KIAA1217: variants seen among roughly 807,000 people sequenced by gnomAD.
KIAA1217 encodes the protein sickle tail protein homolog.
A neutral mutation model predicts 163.9 loss-of-function variants in KIAA1217; 88 were observed. The ratio of observed to expected loss-of-function variants is 0.54; its 90% CI spans 0.45 to 0.64. The LOEUF is 0.64. Among genes scored for constraint, KIAA1217 ranks in the 30% least tolerant of loss-of-function variants. KIAA1217 has a pLI of 0.00. For missense variants in KIAA1217, 2,372 were observed against 2,475.0 expected (o/e 0.96, Z 0.88); for synonymous variants, 903 against 923.1 (o/e 0.98, Z 0.39).
At chr10:23,784,186 T>G (rs971952162) in intron 1 of KIAA1217, among the ~76,000 whole-genome samples, 1 of 152,150 alleles carries the variant, frequency 6.6e-6, no homozygotes, top group Non-Finnish European at 1.5e-5. Context: ...CATTTAATAG[T>G]GAACTTCTTT....
intron 2 of KIAA1217, among the ~76,000 whole-genome samples, chr10:24,089,564 A>G (rs1304084488): frequency 5.3e-5 from 8 of 151,282 alleles, no homozygotes; most frequent in Non-Finnish European, 7.4e-5. Flanking sequence ...TCCTTTCCCC[A>G]TTGCTTGTTT....
intron 1 of KIAA1217, among the ~76,000 whole-genome samples, chr10:23,705,685 T>G (rs866739171): frequency 5.9e-4 from 90 of 152,318 alleles, no homozygotes; most frequent in African/African-American, 1.8e-3. Flanking sequence ...GTTATTCAAC[T>G]TTGTTCTTAT....
chr10:24,179,787 C>T (rs1015325766), intron 2 of KIAA1217, among the ~76,000 whole-genome samples: 1 of 152,036 alleles, frequency 6.6e-6, no homozygotes, highest in South Asian at 2.1e-4. Context: ...GAGGTTTCAC[C>T]ATGTTGGCCA....
intron 1 of KIAA1217, among the ~76,000 whole-genome samples, chr10:23,905,779 A>G (rs978275324): frequency 6.6e-6 from 1 of 152,152 alleles, no homozygotes; most frequent in African/African-American, 2.4e-5. Context: ...CCATTGAAAA[A>G]CAAATGTTAA....
At chr10:23,898,123 CTGA>C (rs1841786134) in intron 1 of KIAA1217, among the ~76,000 whole-genome samples, 2 of 151,912 alleles carry the variant, frequency 1.3e-5, no homozygotes, top group Non-Finnish European at 2.9e-5. Flanking sequence ...TCATATTTTA[CTGA>C]ACAAGCTGCA....
chr10:23,779,918 C>G (rs778067683), intron 1 of KIAA1217, among the ~76,000 whole-genome samples: 14 of 152,168 alleles, frequency 9.2e-5, no homozygotes, highest in South Asian at 2.1e-4. Context: ...ATATTTAGTA[C>G]GGTAATAGGC....
At chr10:23,916,098 G>T (rs1427881043) in intron 1 of KIAA1217, among the ~76,000 whole-genome samples, 1 of 152,128 alleles carries the variant, frequency 6.6e-6, no homozygotes, top group Non-Finnish European at 1.5e-5. Flanking sequence ...GGTTGCATAT[G>T]CCACAGTCCA....
chr10:23,867,364 C>T (rs1315583377), intron 1 of KIAA1217, among the ~76,000 whole-genome samples: 1 of 151,690 alleles, frequency 6.6e-6, no homozygotes. Context: ...GGGTATATAC[C>T]CAGTAATGGG....
chr10:24,315,575 G>A (rs180982499), intron 2 of KIAA1217, among the ~76,000 whole-genome samples: 50 of 152,158 alleles, frequency 3.3e-4, no homozygotes, highest in African/African-American at 1.1e-3. Context: ...CTGAGCCTTA[G>A]GGTGCTTTCA....
intron 1 of KIAA1217, among the ~76,000 whole-genome samples, chr10:23,868,688 C>G (rs375243982): frequency 2.0e-5 from 3 of 152,110 alleles, no homozygotes; most frequent in African/African-American, 7.2e-5. Context: ...GGACACATGG[C>G]AGGGCCTGAG....
At chr10:23,856,367 T>A (rs778836511) in intron 1 of KIAA1217, among the ~76,000 whole-genome samples, 5 of 152,206 alleles carry the variant, frequency 3.3e-5, no homozygotes, top group Admixed American at 1.3e-4. Context: ...ATCGTTCCTC[T>A]GGAAGTTTTG....
At chr10:24,361,937 C>T (rs557021218) in intron 2 of KIAA1217, among the ~76,000 whole-genome samples, 1 of 131,812 alleles carries the variant, frequency 7.6e-6, no homozygotes, top group Non-Finnish European at 1.5e-5. Context: ...ACTGCAAGAT[C>T]GGGCCACTGC....
intron 2 of KIAA1217, among the ~76,000 whole-genome samples, chr10:24,223,832 GCACCCAC>G (rs2070039769): frequency 7.7e-6 from 1 of 130,450 alleles, no homozygotes; most frequent in Non-Finnish European, 1.6e-5. Context: ...TCCCACCCCA[GCACCCAC>G]CACCCACCCC....
At chr10:24,100,910 T>C (rs528962996) in intron 2 of KIAA1217, among the ~76,000 whole-genome samples, 2 of 152,310 alleles carry the variant, frequency 1.3e-5, no homozygotes, top group East Asian at 1.9e-4. Flanking sequence ...CTCCTATTAT[T>C]AAATGCCCTA....
chr10:23,831,399 G>A (rs1467345712), intron 1 of KIAA1217, among the ~76,000 whole-genome samples: 1 of 151,940 alleles, frequency 6.6e-6, no homozygotes, highest in Non-Finnish European at 1.5e-5. Context: ...CCAAAAAGGA[G>A]TTAGTATCCA....
In KIAA1217 at chr10:24,531,924, A is replaced by G. The variant is rs778431458; in HGVS notation, c.3177A>G (p.Gly1059=). ...PPPPRRSYLP[G]SGLTTTRSGD... is the part of the protein sequence containing the mutation. Reference sequence around the variant, plus strand: ...CTCCTCGTCGAAGCTACCTGCCAGGATCGGGACTCACCACCACGAGGTCAG... The same window carrying G: ...CTCCTCGTCGAAGCTACCTGCCAGGGTCGGGACTCACCACCACGAGGTCAG... The change falls in exon 15 of 21, where the codon GGA becomes GGG. Residue 1059 remains glycine (G), a synonymous_variant. Transcript: ENST00000376454. 1.9e-6 allele frequency: 3 copies of G among 1,610,464 alleles called. No homozygotes were observed. Among genetic ancestry groups the G allele is most frequent in the African/African-American group, 1.3e-5 (1 of 74,872 alleles).
intron 2 of KIAA1217, among the ~76,000 whole-genome samples, chr10:24,103,222 A>C (rs763701371): frequency 6.6e-6 from 1 of 152,218 alleles, no homozygotes; most frequent in African/African-American, 2.4e-5. Context: ...ACAATAAAAA[A>C]AGAAAAGAAT....
At chr10:24,527,892 T>G (rs756766379) in intron 13 of KIAA1217, 44 bp from the exon 14 acceptor site, 3 of 1,515,414 alleles carry the variant, frequency 2.0e-6, no homozygotes, top group Non-Finnish European at 2.7e-6. Flanking sequence ...GTTGTTCTCC[T>G]CTATGTGTCC....
At chr10:24,465,863 A>G (rs1034101238) in intron 5 of KIAA1217, among the ~76,000 whole-genome samples, 2 of 152,148 alleles carry the variant, frequency 1.3e-5, no homozygotes, top group Admixed American at 1.3e-4. Flanking sequence ...AGGGTGGGGC[A>G]GAAGGGCTCT....
Sources: allele counts gnomAD v4.1 joint callset (sites outside exome capture counted in the v4.1 genomes callset), GRCh38; gene constraint gnomAD v4.1.1; transcripts MANE v1.5; gene names NCBI Gene and HGNC (gene_info 2026-07-23, HGNC 2026-07-21).